The following DNM3 variants were observed in gnomAD, a reference collection of about 807,000 sequenced individuals.
DNM3 encodes the protein dynamin-3.
Under a neutral mutation model 101.6 loss-of-function variants are expected in DNM3, and 47 were observed. That is an observed-to-expected ratio of 0.46 (90% confidence interval 0.37 to 0.59). DNM3 has a LOEUF of 0.59. Among genes scored for constraint, DNM3 ranks in the 20% least tolerant of loss-of-function variants. The probability of loss-of-function intolerance (pLI) is 0.00; values close to 1 mark genes in which losing one functional copy is unlikely to be tolerated. For synonymous variants in DNM3, 385 were observed against 387.9 expected (o/e 0.99, Z 0.09); for missense variants, 849 against 1,085.7 (o/e 0.78, Z 3.06).
intron 16 of DNM3, among the ~76,000 whole-genome samples, chr1:172,312,805 T>A (rs548860269): frequency 7.2e-5 from 11 of 152,324 alleles, no homozygotes; most frequent in African/African-American, 2.4e-4. Flanking sequence ...CTCTACAATA[T>A]GATAAGATCT....
chr1:172,216,004 TAA>T (rs1210412642), intron 14 of DNM3, among the ~76,000 whole-genome samples: 3 of 127,770 alleles, frequency 2.3e-5, no homozygotes. Context: ...ATAATAAAAT[TAA>T]AAAAAAAAAA....
At chr1:172,321,674 T>C (rs912084050) in intron 16 of DNM3, among the ~76,000 whole-genome samples, 4 of 152,288 alleles carry the variant, frequency 2.6e-5, no homozygotes, top group East Asian at 1.9e-4. Flanking sequence ...CCATCTGCCA[T>C]CGAGTGGGGA....
intron 4 of DNM3, among the ~76,000 whole-genome samples, chr1:172,009,562 A>G (rs1376465646): frequency 6.6e-6 from 1 of 151,838 alleles, no homozygotes; most frequent in Non-Finnish European, 1.5e-5. Context: ...ACCATATGTC[A>G]AGTGTTCAAT....
chr1:172,216,393 A>C (rs968625207), intron 14 of DNM3, among the ~76,000 whole-genome samples: 4 of 152,124 alleles, frequency 2.6e-5, no homozygotes, highest in African/African-American at 9.7e-5. Flanking sequence ...ACCAGTGAGT[A>C]TTGATCTATT....
intron 15 of DNM3, among the ~76,000 whole-genome samples, chr1:172,265,857 G>A (rs2148727988): frequency 6.6e-6 from 1 of 152,168 alleles, no homozygotes; most frequent in South Asian, 2.1e-4. Flanking sequence ...CAGCCACATG[G>A]TATTTTCTGA....
At chr1:172,315,347 GA>G in intron 16 of DNM3, among the ~76,000 whole-genome samples, 1 of 152,272 alleles carries the variant, frequency 6.6e-6, no homozygotes, top group South Asian at 2.1e-4. Context: ...TCCTCCAAAG[GA>G]ACGCAGTTCC....
chr1:172,196,739 T>C (rs1390851575), intron 14 of DNM3, among the ~76,000 whole-genome samples: 2 of 152,126 alleles, frequency 1.3e-5, no homozygotes, highest in East Asian at 3.8e-4. Flanking sequence ...CTTTGTCCAC[T>C]TTTAAATGGG....
chr1:172,103,377 A>G (rs2054789648), intron 13 of DNM3, among the ~76,000 whole-genome samples: 1 of 152,268 alleles, frequency 6.6e-6, no homozygotes, highest in Non-Finnish European at 1.5e-5. Flanking sequence ...TGCTGAGTAA[A>G]TATGTGAAGT....
intron 1 of DNM3, among the ~76,000 whole-genome samples, chr1:171,875,946 G>GA (rs1177498137): frequency 6.6e-6 from 1 of 151,022 alleles, no homozygotes; most frequent in Non-Finnish European, 1.5e-5. Context: ...AAGTAACTGG[G>GA]ACTACAGGCG....
intron 17 of DNM3, among the ~76,000 whole-genome samples, chr1:172,352,433 A>G (rs2067241256): frequency 6.6e-6 from 1 of 152,144 alleles, no homozygotes; most frequent in South Asian, 2.1e-4. Flanking sequence ...CCTCTGTGTC[A>G]GCTGTCTGTG....
chr1:171,896,026 G>A (rs1247515023), intron 1 of DNM3, among the ~76,000 whole-genome samples: 7 of 152,268 alleles, frequency 4.6e-5, no homozygotes, highest in East Asian at 1.9e-4. Flanking sequence ...GTACCATGCT[G>A]TTTTGGTTAC....
intron 15 of DNM3, among the ~76,000 whole-genome samples, chr1:172,275,037 A>T (rs2063226651): frequency 6.6e-6 from 1 of 152,034 alleles, no homozygotes; most frequent in South Asian, 2.1e-4. Flanking sequence ...TGTAAGGTTG[A>T]ATTTGCCACA....
chr1:172,122,685 A>G (rs960308777), intron 13 of DNM3, among the ~76,000 whole-genome samples: 7 of 152,262 alleles, frequency 4.6e-5, no homozygotes, highest in South Asian at 2.1e-4. Flanking sequence ...TGTAGCCAAC[A>G]TCGTTGTATG....
At chr1:172,032,526 C>CTTTTTTTTT (rs750270768) in intron 5 of DNM3, 26 bp downstream of exon 5, 5 of 360,802 alleles carry the variant, frequency 1.4e-5, no homozygotes, top group African/African-American at 3.0e-5. Flanking sequence ...CTATACAAGA[C>CTTTTTTTTT]TTTTTTTTTT....
At chr1:172,287,669 A>G (rs2063749942) in intron 15 of DNM3, among the ~76,000 whole-genome samples, 1 of 152,052 alleles carries the variant, frequency 6.6e-6, no homozygotes, top group African/African-American at 2.4e-5. Context: ...TTGGCAATGA[A>G]TCATGGTACT....
chr1:172,287,679 T>A (rs952251722), intron 15 of DNM3, among the ~76,000 whole-genome samples: 1 of 152,128 alleles, frequency 6.6e-6, no homozygotes, highest in Middle Eastern at 3.4e-3. Flanking sequence ...ATCATGGTAC[T>A]TTGAGACAAC....
chr1:171,883,632 T>C (rs371930493), intron 1 of DNM3, among the ~76,000 whole-genome samples: 6 of 151,874 alleles, frequency 4.0e-5, no homozygotes, highest in African/African-American at 1.2e-4. Flanking sequence ...CCACCACACC[T>C]GGCTAATTTT....
intron 10 of DNM3, among the ~76,000 whole-genome samples, chr1:172,057,706 G>C (rs2050761656): frequency 6.6e-6 from 1 of 151,654 alleles, no homozygotes; most frequent in African/African-American, 2.4e-5. Context: ...ACTAAACATG[G>C]AAAGGAACAA....
intron 1 of DNM3, among the ~76,000 whole-genome samples, chr1:171,851,302 C>G (rs553406467): frequency 2.2e-4 from 33 of 152,318 alleles, no homozygotes; most frequent in African/African-American, 7.9e-4. Flanking sequence ...ATGGCAGGAG[C>G]TAACTGAATG....
Sources: gnomAD v4.1 joint callset for allele counts (sites outside exome capture counted in the v4.1 genomes callset) on GRCh38, gnomAD v4.1.1 for gene constraint, MANE v1.5 for transcripts, NCBI Gene and HGNC (gene_info 2026-07-23, HGNC 2026-07-21) for gene names.